Variants in RAB28 observed in about 807,000 individuals in gnomAD.
RAB28 encodes RAB28, member RAS oncogene family.
RAB28 carries 24 observed loss-of-function variants against 31.7 expected under a neutral mutation model. The ratio of observed to expected loss-of-function variants is 0.76; its 90% CI spans 0.55 to 1.06. RAB28 has a LOEUF of 1.06. Ranked by LOEUF, RAB28 falls within the 50% of genes least tolerant of loss-of-function variation. The pLI is 0.00. For missense variants in RAB28, 254 were observed against 258.5 expected, an observed-to-expected ratio of 0.98 and a Z score of 0.12; for synonymous variants, 100 against 90.4, an observed-to-expected ratio of 1.11 and a Z score of -0.60.
At chr4:13,389,986 T>C (rs1729554111) in intron 4 of RAB28, among the ~76,000 whole-genome samples, 2 of 152,194 alleles carry the variant, frequency 1.3e-5, no homozygotes, top group African/African-American at 4.8e-5. Flanking sequence ...GCATTCCCTT[T>C]GAAAACTGGC....
intron 4 of RAB28, among the ~76,000 whole-genome samples, chr4:13,425,777 ATTGT>A (rs1327612243): frequency 2.0e-5 from 3 of 152,054 alleles, no homozygotes; most frequent in Non-Finnish European, 4.4e-5. Context: ...CTTTAGTTGT[ATTGT>A]TTGTTTGTTT....
intron 4 of RAB28, among the ~76,000 whole-genome samples, chr4:13,457,998 T>C (rs1208145216): frequency 6.6e-6 from 1 of 152,156 alleles, no homozygotes; most frequent in African/African-American, 2.4e-5. Flanking sequence ...AGCCAACGCT[T>C]TGTATGACAA....
intron 4 of RAB28, among the ~76,000 whole-genome samples, chr4:13,386,249 A>C (rs1729361700): frequency 6.6e-6 from 1 of 152,164 alleles, no homozygotes; most frequent in Non-Finnish European, 1.5e-5. Flanking sequence ...AAAAACAAAA[A>C]TTTACAAATG....
chr4:13,427,995 G>A (rs1713603203), intron 4 of RAB28, among the ~76,000 whole-genome samples: 1 of 152,144 alleles, frequency 6.6e-6, no homozygotes, highest in Admixed American at 6.6e-5. Flanking sequence ...AACTCTAAGG[G>A]GGTCCACGTG....
chr4:13,430,635 G>A (rs902908172), intron 4 of RAB28, among the ~76,000 whole-genome samples: 4 of 152,168 alleles, frequency 2.6e-5, no homozygotes, highest in Admixed American at 2.0e-4. Context: ...TGTCATGATG[G>A]TTGTGTACCC....
intron 3 of RAB28, among the ~76,000 whole-genome samples, chr4:13,468,106 T>A (rs985501945): frequency 6.6e-6 from 1 of 151,922 alleles, no homozygotes; most frequent in African/African-American, 2.4e-5. Flanking sequence ...GGCATCAAAA[T>A]ATATGAGGCC....
rs1712326952 is a variant in RAB28, at chr4:13,409,893, CATGCTAAATT to C, written c.392-28309_392-28300del. ...TGGCTTTGTGTCCCCACCCAAATCT[CATGCTAAATT>C]GTGATCCTGAGTGCTGGAGGTGGGG... On this transcript the variant is annotated intron_variant, in intron 4 of 6. Transcript: ENST00000330852. Among the ~76,000 whole-genome samples the C allele has an allele frequency of 5.3e-5, 8 of 152,276 alleles. No homozygotes were observed. In the South Asian group the frequency reaches 1.7e-3, roughly 32 times the overall value.
chr4:13,451,857 A>T (rs553400473), intron 4 of RAB28, among the ~76,000 whole-genome samples: 1 of 151,930 alleles, frequency 6.6e-6, no homozygotes, highest in Non-Finnish European at 1.5e-5. Flanking sequence ...TCCTTTCCCC[A>T]CTGAGTGTTC....
intron 4 of RAB28, among the ~76,000 whole-genome samples, chr4:13,454,190 T>G (rs551940954): frequency 6.6e-5 from 10 of 152,180 alleles, no homozygotes; most frequent in Admixed American, 2.6e-4. Flanking sequence ...TCTGATTGGT[T>G]ATGGGTTATA....
chr4:13,441,394 A>T (rs1260378633), intron 4 of RAB28, among the ~76,000 whole-genome samples: 1 of 152,210 alleles, frequency 6.6e-6, no homozygotes, highest in Non-Finnish European at 1.5e-5. Context: ...AATATTTCTT[A>T]TATTTTCCAC....
chr4:13,367,795 A>G lies in RAB28; in HGVS notation c.*763T>C. The G allele has an allele frequency of 1.0e-6, 1 of 985,006 alleles. No homozygotes were observed. Among genetic ancestry groups the G allele is most frequent in the Non-Finnish European group, 1.2e-6 (1 of 829,616 alleles). 61.0% of individuals were successfully genotyped at this position (985,006 alleles called of 1,614,324 possible). A position where few individuals can be genotyped will look rare whatever the true frequency, so the allele number is the denominator to read the frequency against. Reference sequence around the variant, plus strand: ...GTACAGTCTGATCCACAATGTCATAACTCATTCTCGGGAGTACTCTTATGC... The same window carrying G: ...GTACAGTCTGATCCACAATGTCATAGCTCATTCTCGGGAGTACTCTTATGC... On this transcript the variant is annotated 3_prime_UTR_variant, in exon 7 of 7. Coordinates refer to ENST00000330852, the MANE Select transcript of RAB28 (RefSeq NM_001017979.3).
intron 3 of RAB28, among the ~76,000 whole-genome samples, chr4:13,463,008 T>C (rs1715676290): frequency 6.6e-6 from 1 of 152,208 alleles, no homozygotes; most frequent in Non-Finnish European, 1.5e-5. Context: ...TGGGCAACAT[T>C]CGTTACCTCA....
rs116849291 is a variant in RAB28, at chr4:13,395,271, G to A, written c.392-13677C>T. 7.6e-4 allele frequency among the ~76,000 whole-genome samples: 115 copies of A among 151,862 alleles called. No homozygotes were observed. The East Asian group carries it at 0.021, about 28-fold the overall frequency. The stretch of plus-strand genomic sequence containing the variant: ...TTAGTAACAATAAATCATAAAAACC[G>A]GCCCATAAGCATTACAGAACATGAT... On this transcript the variant is annotated intron_variant, in intron 4 of 6. Coordinates refer to ENST00000330852, the MANE Select transcript of RAB28 (RefSeq NM_001017979.3).
intron 4 of RAB28, among the ~76,000 whole-genome samples, chr4:13,386,573 C>T (rs1370587584): frequency 2.6e-5 from 4 of 151,872 alleles, no homozygotes; most frequent in African/African-American, 9.7e-5. Flanking sequence ...ACACACTAGT[C>T]AGAATGGAAA....
At chr4:13,478,553 C>G (rs995332957) in intron 2 of RAB28, among the ~76,000 whole-genome samples, 5 of 151,460 alleles carry the variant, frequency 3.3e-5, no homozygotes, top group Non-Finnish European at 7.4e-5. Context: ...GTATTAAACC[C>G]CTTCCCACTG....
At chr4:13,403,722 T>A (rs1402149827) in intron 4 of RAB28, among the ~76,000 whole-genome samples, 1 of 152,148 alleles carries the variant, frequency 6.6e-6, no homozygotes, top group African/African-American at 2.4e-5. Flanking sequence ...TCATACTGTG[T>A]CTCCTACTAT....
At chr4:13,430,538 T>C (rs893622833) in intron 4 of RAB28, among the ~76,000 whole-genome samples, 3 of 152,158 alleles carry the variant, frequency 2.0e-5, no homozygotes, top group African/African-American at 7.2e-5. Flanking sequence ...TGGTGGCGAT[T>C]TGAGTACTTA....
intron 4 of RAB28, among the ~76,000 whole-genome samples, chr4:13,438,531 G>C (rs995237059): frequency 1.3e-5 from 2 of 151,992 alleles, no homozygotes; most frequent in Admixed American, 1.3e-4. Context: ...GAAATACATG[G>C]GTGGCCTTTT....
chr4:13,435,931 G>A (rs1400567585), intron 4 of RAB28, among the ~76,000 whole-genome samples: 1 of 151,824 alleles, frequency 6.6e-6, no homozygotes, highest in East Asian at 1.9e-4. Flanking sequence ...GAAAATTACA[G>A]GCCAATATGA....
Sources: allele counts gnomAD v4.1 joint callset (sites outside exome capture counted in the v4.1 genomes callset), GRCh38; gene constraint gnomAD v4.1.1; transcripts MANE v1.5; gene names NCBI Gene and HGNC (gene_info 2026-07-23, HGNC 2026-07-21).